PAG1: variants seen among roughly 807,000 people sequenced by gnomAD.
PAG1 encodes phosphoprotein membrane anchor with glycosphingolipid microdomains 1, also known as phosphoprotein associated with glycosphingolipid-enriched microdomains 1.
A neutral mutation model predicts 31.7 loss-of-function variants in PAG1; 23 were observed. The ratio of observed to expected loss-of-function variants is 0.73; its 90% CI spans 0.52 to 1.03. PAG1 has a LOEUF of 1.03. PAG1 is among the 50% of genes least tolerant of loss of function. The pLI is 0.00. For synonymous variants in PAG1, 214 were observed against 210.3 expected (o/e 1.02, Z -0.15); for missense variants, 473 against 540.7 (o/e 0.87, Z 1.24).
chr8:81,101,025 A>G (rs1344883988), intron 1 of PAG1, among the ~76,000 whole-genome samples: 1 of 152,242 alleles, frequency 6.6e-6, no homozygotes, highest in Non-Finnish European at 1.5e-5. Flanking sequence ...GGAAAGATCT[A>G]TAATTCAGGA....
intron 3 of PAG1, among the ~76,000 whole-genome samples, chr8:81,004,150 G>A (rs1251694730): frequency 1.3e-5 from 2 of 152,192 alleles, no homozygotes; most frequent in Non-Finnish European, 2.9e-5. Flanking sequence ...CACAGATGGT[G>A]CACGGACAGG....
At chr8:80,996,642 T>C (rs1333911691) in intron 3 of PAG1, among the ~76,000 whole-genome samples, 1 of 152,130 alleles carries the variant, frequency 6.6e-6, no homozygotes, top group East Asian at 1.9e-4. Context: ...TGTGCAGATG[T>C]ACATGGATCA....
At chr8:81,010,941 C>T (rs183769304) in intron 3 of PAG1, among the ~76,000 whole-genome samples, 1 of 152,302 alleles carries the variant, frequency 6.6e-6, no homozygotes, top group East Asian at 1.9e-4. Flanking sequence ...GGTCATCATA[C>T]AGCTGGTTCC....
chr8:81,051,847 T>C (rs550451443), intron 2 of PAG1, among the ~76,000 whole-genome samples: 3 of 152,302 alleles, frequency 2.0e-5, no homozygotes, highest in East Asian at 1.9e-4. Flanking sequence ...CTATAAACTA[T>C]TGGCCGGGCG....
At chr8:81,083,179 C>T (rs1809296697) in intron 1 of PAG1, among the ~76,000 whole-genome samples, 2 of 152,166 alleles carry the variant, frequency 1.3e-5, no homozygotes, top group African/African-American at 4.8e-5. Flanking sequence ...TGCATTCTTA[C>T]TGCTAGTTAG....
intron 3 of PAG1, among the ~76,000 whole-genome samples, chr8:81,004,315 T>C (rs1282181137): frequency 1.3e-5 from 2 of 152,218 alleles, no homozygotes; most frequent in Non-Finnish European, 2.9e-5. Context: ...GTTCCATATG[T>C]GATAAGAGAT....
intron 2 of PAG1, among the ~76,000 whole-genome samples, 160 bp downstream of exon 2, chr8:81,069,952 C>T (rs1394152447): frequency 6.6e-6 from 1 of 152,214 alleles, no homozygotes; most frequent in Non-Finnish European, 1.5e-5. Context: ...CAGACAAGCT[C>T]ATTCCCTGGA....
At chr8:81,057,737 T>G (rs1360287691) in intron 2 of PAG1, among the ~76,000 whole-genome samples, 2 of 152,140 alleles carry the variant, frequency 1.3e-5, no homozygotes, top group East Asian at 3.9e-4. Context: ...CTGAGTATGT[T>G]TCATGTGATT....
intron 3 of PAG1, among the ~76,000 whole-genome samples, chr8:81,007,156 G>A (rs534948402): frequency 1.6e-3 from 236 of 152,240 alleles, no homozygotes; most frequent in Admixed American, 3.5e-3. Context: ...ATGATACAGC[G>A]GCAAGGTTTG....
rs1807032157 is a variant in PAG1, at chr8:80,969,474, A to C, written c.*7070T>G. 6.6e-6 allele frequency: 1 copy of C among 152,184 alleles called. No individual in the cohort carries two copies. Among genetic ancestry groups the C allele is most frequent in the Non-Finnish European group, 1.5e-5 (1 of 68,034 alleles). The allele number at this position is 152,184 out of a possible 1,614,324, so 9.4% of individuals were successfully genotyped here. A position where few individuals can be genotyped will look rare whatever the true frequency, so the allele number is the denominator to read the frequency against. On this transcript the variant is annotated 3_prime_UTR_variant, in exon 9 of 9. Coordinates refer to ENST00000220597, the MANE Select transcript of PAG1 (RefSeq NM_018440.4). The stretch of plus-strand genomic sequence containing the variant: ...TAAAAAAAAAATTCTCTTTAAGCTT[A>C]AGAAAAGGAAATAGTTTGCTTTAAA...
chr8:80,999,919 G>A (rs1807754202), intron 3 of PAG1, among the ~76,000 whole-genome samples: 1 of 152,168 alleles, frequency 6.6e-6, no homozygotes, highest in Admixed American at 6.5e-5. Context: ...ACACGAGAGA[G>A]GGAGGGAGGC....
chr8:80,993,025 C>T, intron 4 of PAG1, 78 bp downstream of exon 4: 1 of 1,325,708 alleles, frequency 7.5e-7, no homozygotes, highest in Non-Finnish European at 1.0e-6. Context: ...CCATTCCTAA[C>T]AGGCTTTCCA....
chr8:80,984,003 C>T (rs1428952609), intron 7 of PAG1, among the ~76,000 whole-genome samples: 1 of 152,226 alleles, frequency 6.6e-6, no homozygotes, highest in African/African-American at 2.4e-5. Context: ...CTACTAGTGA[C>T]TGGCTAACCT....
intron 1 of PAG1, among the ~76,000 whole-genome samples, chr8:81,108,105 A>G (rs1275682417): frequency 6.6e-6 from 1 of 152,266 alleles, no homozygotes; most frequent in Non-Finnish European, 1.5e-5. Context: ...AACATAGATG[A>G]GAAATGAAAC....
chr8:81,042,614 C>T (rs1008010910), intron 2 of PAG1, among the ~76,000 whole-genome samples: 9 of 151,490 alleles, frequency 5.9e-5, no homozygotes, highest in African/African-American at 1.7e-4. Context: ...ATTTGTATCA[C>T]GGGGTGGGTA....
At chr8:80,993,054 C>A in intron 4 of PAG1, 49 bp downstream of exon 4, 3 of 1,530,370 alleles carry the variant, frequency 2.0e-6, no homozygotes, top group Non-Finnish European at 2.7e-6. Context: ...CTTCTGGGTA[C>A]AGGGGATGTA....
At chr8:81,036,602 T>C (rs1019308772) in intron 2 of PAG1, among the ~76,000 whole-genome samples, 4 of 152,170 alleles carry the variant, frequency 2.6e-5, no homozygotes, top group Admixed American at 6.5e-5. Flanking sequence ...CCAAAGACAA[T>C]GCATATGGGC....
chr8:81,107,014 T>A (rs758802408), intron 1 of PAG1, among the ~76,000 whole-genome samples: 3 of 152,114 alleles, frequency 2.0e-5, no homozygotes, highest in Non-Finnish European at 4.4e-5. Flanking sequence ...TTCTTTTAAA[T>A]CACCCAAGAA....
intron 2 of PAG1, among the ~76,000 whole-genome samples, chr8:81,044,423 G>C (rs1284966426): frequency 1.3e-5 from 2 of 152,162 alleles, no homozygotes; most frequent in East Asian, 3.9e-4. Context: ...ATAGGCAAAG[G>C]CTGGAATTTT....
Sources: allele counts gnomAD v4.1 joint callset (sites outside exome capture counted in the v4.1 genomes callset), GRCh38; gene constraint gnomAD v4.1.1; transcripts MANE v1.5; gene names NCBI Gene and HGNC (gene_info 2026-07-23, HGNC 2026-07-21).